The following MUC4 variants were observed in gnomAD, a reference collection of about 807,000 sequenced individuals.
MUC4 encodes mucin-4.
In MUC4, 202 loss-of-function variants were observed where a neutral mutation model predicts 257.9. That is an observed-to-expected ratio of 0.78 (90% confidence interval 0.70 to 0.88). MUC4 has a LOEUF of 0.88. MUC4 is among the 40% of genes least tolerant of loss of function. The probability of loss-of-function intolerance (pLI) is 0.00; values close to 1 mark genes in which losing one functional copy is unlikely to be tolerated. For missense variants in MUC4, 5,976 were observed against 6,513.7 expected (o/e 0.92, Z 2.84); for synonymous variants, 2,351 against 2,757.1 (o/e 0.85, Z 4.62).
chr3:195,761,510 T>C lies in MUC4; in HGVS notation c.14588A>G (p.Glu4863Gly), dbSNP rs1263448215. The C allele has an allele frequency of 6.2e-7, 1 of 1,613,818 alleles. No homozygotes were observed. The highest frequency in any genetic ancestry group is 8.5e-7 in the Non-Finnish European group (1 of 1,179,886). Residue 4863 changes from glutamate to glycine, a missense_variant, in exon 15 of 25, where the codon GAG becomes GGG. Glu to Gly is a moderately conservative substitution (Grantham distance 98). Around this residue, in one of 44 missense-constraint regions of MUC4, gnomAD observed 996 missense variants for 1,137.3 expected, o/e 0.88. Coordinates refer to ENST00000463781, the MANE Select transcript of MUC4 (RefSeq NM_018406.7). ...GSTIPPGSPE[E>G]MLFHFGMTWQ... ...GGTCATTCCAAAGTGGAAAAGCATCTCCTCAGGGCTCCCTGGGGGAATGGT... is the reference window on the plus strand; with the variant it reads ...GGTCATTCCAAAGTGGAAAAGCATCCCCTCAGGGCTCCCTGGGGGAATGGT...
At chr3:195,770,474 A>C in intron 5 of MUC4, 103 bp from the exon 6 acceptor site, 8 of 1,305,642 alleles carry the variant, frequency 6.1e-6, no homozygotes, top group African/African-American at 1.5e-5. Context: ...AGCCCACCCA[A>C]TGGCCTGCCC....
chr3:195,750,755 CA>C, intron 23 of MUC4, 133 bp downstream of exon 23: 3 of 849,440 alleles, frequency 3.5e-6, no homozygotes, highest in Non-Finnish European at 3.6e-6. Flanking sequence ...AGCAGCTGGA[CA>C]AAATGTTCAC....
Position 195,762,236 on chromosome 3 carries a change from G to T in MUC4, c.14363C>A (p.Ala4788Asp). 10 of 1,586,994 alleles carry T rather than the reference G, an allele frequency of 6.3e-6. No individual in the cohort carries two copies. The highest frequency in any genetic ancestry group is 8.6e-6 in the Non-Finnish European group (10 of 1,166,998). ...EDGGGQETFN[A>D]TGVLLSRNGS... Reference sequence around the variant, plus strand: ...GTTGCGGCTCAGGAGGACTCCGGTGGCGTTGAACGTCTCCTGGCCTGGAGC... The same window carrying T: ...GTTGCGGCTCAGGAGGACTCCGGTGTCGTTGAACGTCTCCTGGCCTGGAGC... Residue 4788 changes from alanine to aspartate, a missense_variant, in exon 14 of 25, where the codon GCC (alanine) becomes GAC (aspartate). Ala to Asp is a moderately radical substitution (Grantham distance 126). Around this residue, in one of 44 missense-constraint regions of MUC4, gnomAD observed 996 missense variants for 1,137.3 expected, o/e 0.88. Coordinates refer to ENST00000463781, the MANE Select transcript of MUC4 (RefSeq NM_018406.7).
In MUC4 at chr3:195,747,179, A is replaced by G; in HGVS notation, c.16236T>C (p.Pro5412=). The G allele has an allele frequency of 6.2e-7, 1 of 1,614,272 alleles. No individual in the cohort carries two copies. The highest frequency in any genetic ancestry group is 8.5e-7 in the Non-Finnish European group (1 of 1,180,054). The change falls in exon 25 of 25, where the codon CCT becomes CCC. Residue 5412 remains proline, a synonymous_variant. Coordinates refer to ENST00000463781, the MANE Select transcript of MUC4 (RefSeq NM_018406.7). ...SYFLNSAEAL[P] ...AGCCTAGGCCACAGCTGCCCCTTCA[A>G]GGCAAGGCCTCAGCTGAGTTCAGGA...
intron 1 of MUC4, among the ~76,000 whole-genome samples, chr3:195,794,380 AGAGAGAGAGAG>A (rs1734290309): frequency 6.7e-6 from 1 of 149,668 alleles, no homozygotes; most frequent in African/African-American, 2.5e-5. Flanking sequence ...ATATAGAGAG[AGAGAGAGAGAG>A]AAGAAAGAGA....
rs757915947 is a variant in MUC4 at position 195,783,415 on chromosome 3, G to T, written c.8165C>A (p.Pro2722His). 2.9e-4 allele frequency: 203 copies of T among 688,644 alleles called. 17 individuals are homozygous for T. In the East Asian group the frequency reaches 3.1e-3, roughly 11 times the overall value. The allele number at this position is 688,644 out of a possible 1,614,324, so 42.7% of individuals were successfully genotyped here. ...SAYTGDTTSL[P>H]VTDTSSSSTG... is the part of the protein sequence containing the mutation. ...GGATGATGAGGAAGTGTCGGTGACA[G>T]GAAGAGAGGTGGTGTCACCTGTGTA... The change falls in exon 2 of 25, where the codon CCT becomes CAT. Residue 2722 changes from proline to histidine, a missense_variant. Pro to His is a moderately conservative substitution (Grantham distance 77). Coordinates refer to ENST00000463781, the MANE Select transcript of MUC4 (RefSeq NM_018406.7).
intron 1 of MUC4, among the ~76,000 whole-genome samples, chr3:195,805,923 C>G (rs1735930812): frequency 6.6e-6 from 1 of 151,894 alleles, no homozygotes; most frequent in Non-Finnish European, 1.5e-5. Context: ...CGAGACTAGC[C>G]TGACCAACAT....
At chr3:195,761,631 C>A in intron 14 of MUC4, 46 bp from the exon 15 acceptor site, 1 of 1,468,798 alleles carries the variant, frequency 6.8e-7, no homozygotes, top group Non-Finnish European at 9.5e-7. Context: ...ACGCGGCTGT[C>A]CCCTTCCTGG....
intron 1 of MUC4, among the ~76,000 whole-genome samples, chr3:195,799,026 G>A (rs1341064301): frequency 6.6e-6 from 1 of 152,104 alleles, no homozygotes; most frequent in African/African-American, 2.4e-5. Flanking sequence ...CCAACTGGAA[G>A]CGTTGTTACC....
In MUC4 at chr3:195,783,967, G is replaced by A. The variant is rs199718845; in HGVS notation, c.7613C>T (p.Ser2538Phe). 1.8e-4 allele frequency: 273 copies of A among 1,523,152 alleles called. 1 individual carries two copies. Among genetic ancestry groups the A allele is most frequent in the Non-Finnish European group, 2.3e-4 (261 of 1,133,050 alleles). The allele number at this position is 1,523,152 out of a possible 1,614,324, so 94.4% of individuals were successfully genotyped here. ...ATGAAGAGAGGTGGCGTGACGTGTG[G>A]ATAATGAGGAAGCATTGGTGACAGG... is the stretch of plus-strand genomic sequence containing the variant. Reference protein sequence around the residue: ...PLPVTNASSLSTRHATSLHVT... With the variant: ...PLPVTNASSLFTRHATSLHVT... Residue 2538 changes from serine (S) to phenylalanine (F), a missense_variant, in exon 2 of 25, where the codon TCC becomes TTC. Transcript: ENST00000463781.
In MUC4 at chr3:195,755,166, A is replaced by G. The variant is rs577489678; in HGVS notation, c.15169-794T>C. ...CGAGGAGCTGGGGCTACAGGCATGCACCACCACGCCCACTAATTTTTGTAT... is the reference window on the plus strand; with the variant it reads ...CGAGGAGCTGGGGCTACAGGCATGCGCCACCACGCCCACTAATTTTTGTAT... On this transcript the variant is annotated intron_variant, in intron 18 of 24. Transcript: ENST00000463781. The surrounding 1 kb of genome is among the most constrained non-coding windows in gnomAD (Gnocchi z 5.0). 4.1e-5 allele frequency among the ~76,000 whole-genome samples: 6 copies of G among 148,124 alleles called. No individual in the cohort carries two copies. In the Admixed American group the frequency reaches 4.1e-4, roughly 10 times the overall value.
chr3:195,798,433 G>T (rs1035858512), intron 1 of MUC4, among the ~76,000 whole-genome samples: 1 of 152,184 alleles, frequency 6.6e-6, no homozygotes, highest in African/African-American at 2.4e-5. Context: ...GCCAGGCGTG[G>T]TGGCTCACAC....
rs373860072 is a variant in MUC4 at position 195,765,416 on chromosome 3, C to T, written c.13652G>A (p.Arg4551Gln). Reference sequence around the variant, plus strand: ...GAGACGGTAGTTGGGCCTTTCTTCCCGGTGTAGCCTGTAGAACTGCAGCCC... The same window carrying T: ...GAGACGGTAGTTGGGCCTTTCTTCCTGGTGTAGCCTGTAGAACTGCAGCCC... ...LQGLQFYRLH[R>Q]EERPNYRLEC... The change falls in exon 9 of 25, where the codon CGG becomes CAG. Residue 4551 changes from arginine (R) to glutamine (Q), a missense_variant. Arg to Gln is a conservative substitution (Grantham distance 43). Around this residue, in one of 44 missense-constraint regions of MUC4, gnomAD observed 996 missense variants for 1,137.3 expected, o/e 0.88. Coordinates refer to ENST00000463781, the MANE Select transcript of MUC4 (RefSeq NM_018406.7). 4.2e-5 allele frequency: 67 copies of T among 1,613,312 alleles called. No individual in the cohort carries two copies. The highest frequency in any genetic ancestry group is 1.2e-4 in the South Asian group (11 of 91,076).
chr3:195,803,515 A>C (rs368416328), intron 1 of MUC4, among the ~76,000 whole-genome samples: 10 of 152,372 alleles, frequency 6.6e-5, no homozygotes, highest in African/African-American at 1.4e-4. Context: ...CTTGTGATGA[A>C]CACACCAGGG....
chr3:195,762,829 G>A (rs1366945796), intron 13 of MUC4, 26 bp downstream of exon 13: 2 of 1,522,702 alleles, frequency 1.3e-6, no homozygotes, highest in Non-Finnish European at 1.8e-6. Flanking sequence ...GTGCGGGGAG[G>A]GGGCGGCCGG....
intron 23 of MUC4, chr3:195,749,831 C>G (rs1204724038): frequency 2.6e-5 from 4 of 152,322 alleles, no homozygotes; most frequent in Non-Finnish European, 5.9e-5. Flanking sequence ...ATACTGTTGT[C>G]TCTCTGGGGA....
At chr3:195,770,451 C>A (rs1415253525) in intron 5 of MUC4, 80 bp from the exon 6 acceptor site, 2 of 1,544,876 alleles carry the variant, frequency 1.3e-6, no homozygotes, top group Admixed American at 1.8e-5. Flanking sequence ...TGCCTGAGGA[C>A]CCTGCCCACT....
rs1553871499 is a variant in MUC4, at chr3:195,780,549, G to A, written c.11031C>T (p.Asp3677=). Residue 3677 remains aspartate, a synonymous_variant, in exon 2 of 25, where the codon GAC becomes GAT. Transcript: ENST00000463781. ...VTDTSSASTG[D]TTRLPVTDTS... ...TGTCCGTGACAGGAAGACGGGTGGT[G>A]TCACCTGTGGATGCTGAGGAAGTGT... 1.4e-6 allele frequency: 1 copy of A among 703,886 alleles called. No homozygotes were observed. The highest frequency in any genetic ancestry group is 2.3e-5 in the South Asian group (1 of 43,334). 43.6% of individuals were successfully genotyped at this position (703,886 alleles called of 1,614,324 possible). A position where few individuals can be genotyped will look rare whatever the true frequency, so the allele number is the denominator to read the frequency against.
rs560984288 is a variant in MUC4 at position 195,781,015 on chromosome 3, G to C, written c.10565C>G (p.Pro3522Arg). 6.6e-7 allele frequency: 1 copy of C among 1,526,550 alleles called. No individual in the cohort carries two copies. Among genetic ancestry groups the C allele is most frequent in the Middle Eastern group, 2.2e-4 (1 of 4,620 alleles). 94.6% of individuals were successfully genotyped at this position (1,526,550 alleles called of 1,614,324 possible). Residue 3522 changes from proline (P) to arginine (R), a missense_variant, in exon 2 of 25, where the codon CCT (proline) becomes CGT (arginine). Pro to Arg is a moderately radical substitution (Grantham distance 103). Coordinates refer to ENST00000463781, the MANE Select transcript of MUC4 (RefSeq NM_018406.7). ...GGATACTGAGGAAGTGTCGGTGACAGGAAGAGGGGTGGCGTGACCGGTGGA... is the reference window on the plus strand; with the variant it reads ...GGATACTGAGGAAGTGTCGGTGACACGAAGAGGGGTGGCGTGACCGGTGGA... Reference protein sequence around the residue: ...SASTGHATPLPVTDTSSVSTG... With the variant: ...SASTGHATPLRVTDTSSVSTG...
Sources: gnomAD v4.1 joint callset for allele counts (sites outside exome capture counted in the v4.1 genomes callset) on GRCh38, gnomAD v4.1.1 for gene constraint, gnomAD v4.1.1 regional missense constraint, Gnocchi (gnomAD v3.1) non-coding constraint, MANE v1.5 for transcripts, NCBI Gene and HGNC (gene_info 2026-07-23, HGNC 2026-07-21) for gene names.